SIGLEC12: variants seen among roughly 807,000 people sequenced by gnomAD.
SIGLEC12 encodes sialic acid-binding Ig-like lectin 12.
Under a neutral mutation model 54.1 loss-of-function variants are expected in SIGLEC12, and 43 were observed. That is an observed-to-expected ratio of 0.80 (90% CI 0.62 to 1.03). The LOEUF (loss-of-function observed/expected upper bound fraction) is 1.03. SIGLEC12 is among the 50% of genes least tolerant of loss of function. SIGLEC12 has a pLI of 0.00. For synonymous variants in SIGLEC12, 357 were observed against 307.6 expected (o/e 1.16, Z -1.68); for missense variants, 802 against 735.2 (o/e 1.09, Z -1.05).
chr19:51,493,305 G>T (rs1238283010), intron 7 of SIGLEC12, among the ~76,000 whole-genome samples: 1 of 152,102 alleles, frequency 6.6e-6, no homozygotes, highest in African/African-American at 2.4e-5. Context: ...CAGCCCTTTT[G>T]CTAGATGCTC....
At chr19:51,492,616 C>T (rs1990136477) in intron 7 of SIGLEC12, among the ~76,000 whole-genome samples, 1 of 152,084 alleles carries the variant, frequency 6.6e-6, no homozygotes, top group Non-Finnish European at 1.5e-5. Context: ...CTTGGGTGGG[C>T]CCAGTGGAAT....
Position 51,501,483 on chromosome 19 carries a change from G to T in SIGLEC12, c.251C>A (p.Ala84Glu), listed in dbSNP as rs1447247025. ...IPVATNNPAR[A>E]VQEETRDRFH... The stretch of plus-strand genomic sequence containing the variant: ...TCGGTCCCGAGTCTCCTCCTGCACT[G>T]CTCGAGCTGGGTTGTTTGTGGCCAC... The change falls in exon 1 of 8, where the codon GCA (alanine) becomes GAA (glutamate). Residue 84 changes from alanine (A) to glutamate (E), a missense_variant. By Grantham distance (107) the Ala-to-Glu change is moderately radical. Transcript: ENST00000291707. The T allele has an allele frequency of 1.9e-6, 3 of 1,613,828 alleles. No homozygotes were observed. The highest frequency in any genetic ancestry group is 2.5e-6 in the Non-Finnish European group (3 of 1,179,906).
At chr19:51,495,656 G>T (rs920530224) in intron 7 of SIGLEC12, among the ~76,000 whole-genome samples, 1 of 152,120 alleles carries the variant, frequency 6.6e-6, no homozygotes, top group African/African-American at 2.4e-5. Context: ...TTAGTTGATT[G>T]GTTTGGCCAT....
chr19:51,497,039 C>T, intron 6 of SIGLEC12, 63 bp from the exon 7 acceptor site: 8 of 1,610,866 alleles, frequency 5.0e-6, no homozygotes, highest in Non-Finnish European at 5.1e-6. Flanking sequence ...GGCAGACCAA[C>T]CCCTGCCCTG....
At position 51,497,344 on chromosome 19, in the gene SIGLEC12, C is replaced by A; in HGVS notation, c.1502+5G>T. The A allele has an allele frequency of 1.2e-6, 2 of 1,612,204 alleles. No homozygotes were observed. Among genetic ancestry groups the A allele is most frequent in the Non-Finnish European group, 1.7e-6 (2 of 1,178,452 alleles). ...AGGCTCTTCCTCCCCAGGGTCAATG[C>A]TCACACAACGAAGATGATGCAGAAG... On this transcript the variant is annotated splice_donor_5th_base_variant and intron_variant, in intron 6 of 7. Coordinates refer to ENST00000291707, the MANE Select transcript of SIGLEC12 (RefSeq NM_053003.4).
intron 7 of SIGLEC12, among the ~76,000 whole-genome samples, chr19:51,493,173 A>T (rs1050448584): frequency 9.8e-5 from 14 of 143,206 alleles, no homozygotes; most frequent in Non-Finnish European, 2.0e-4. Context: ...TCCGTCTTGC[A>T]GTCTTCTCCT....
chr19:51,491,715 T>C lies in SIGLEC12; in HGVS notation c.1714A>G (p.Lys572Glu), dbSNP rs1220562547. Residue 572 changes from lysine (K) to glutamate (E), a missense_variant, in exon 8 of 8, where the codon AAA becomes GAA. Physicochemically the swap from Lys to Glu is moderately conservative, Grantham distance 56. Transcript: ENST00000291707. ...EIQYASLSFHKARPQYPQEQE... is the reference protein window; with the variant it reads ...EIQYASLSFHEARPQYPQEQE... ...TCCTGTGGGTACTGAGGCCTCGCTT[T>C]GTGGAAGCTGAGGGATGCATACTGG... 1.2e-6 allele frequency: 2 copies of C among 1,613,772 alleles called. No homozygotes were observed. Among genetic ancestry groups the C allele is most frequent in the Non-Finnish European group, 1.7e-6 (2 of 1,179,910 alleles).
intron 7 of SIGLEC12, 59 bp downstream of exon 7, chr19:51,496,812 GTAATCCCCT>G: frequency 6.4e-7 from 1 of 1,552,478 alleles, no homozygotes; most frequent in Non-Finnish European, 8.9e-7. Flanking sequence ...CAGTGAGGAA[GTAATCCCCT>G]TCCATGCCTG....
chr19:51,494,098 C>T (rs1009242675), intron 7 of SIGLEC12, among the ~76,000 whole-genome samples: 2 of 152,218 alleles, frequency 1.3e-5, no homozygotes, highest in Non-Finnish European at 2.9e-5. Flanking sequence ...GTCTGGAGTG[C>T]TCTTCAATCT....
Position 51,498,083 on chromosome 19 carries a change from C to A in SIGLEC12, c.1340G>T (p.Arg447Leu). 6.2e-7 allele frequency: 1 copy of A among 1,614,240 alleles called. No homozygotes were observed. The highest frequency in any genetic ancestry group is 8.5e-7 in the Non-Finnish European group (1 of 1,180,038). ...HVKDEGEFTC[R>L]AQNPLGSQHI... ...CTGGGAGCCTAGAGGGTTCTGAGCT[C>A]GGCAGGTGAATTCCCCTTCATCCTT... The change falls in exon 5 of 8, where the codon CGA becomes CTA. Residue 447 changes from arginine (R) to leucine (L), a missense_variant. Coordinates refer to ENST00000291707, the MANE Select transcript of SIGLEC12 (RefSeq NM_053003.4).
chr19:51,498,298 A>G lies in SIGLEC12; in HGVS notation c.1136-11T>C, dbSNP rs567396831. On this transcript the variant is annotated splice_polypyrimidine_tract_variant and intron_variant, in intron 4 of 7. Transcript: ENST00000291707. ...TCAAGGTTGTGGATGCTGTAGAGAA[A>G]GAGACAGAAGGGCAGAGAGAGACAA... 6 of 1,590,264 alleles carry G rather than the reference A, an allele frequency of 3.8e-6. No homozygotes were observed. Among genetic ancestry groups the G allele is most frequent in the East Asian group, 4.5e-5 (2 of 44,516 alleles).
chr19:51,500,251 C>T lies in SIGLEC12; in HGVS notation c.477G>A (p.Val159=). The change falls in exon 2 of 8, where the codon GTG becomes GTA. Residue 159 remains valine (V), a synonymous_variant. Coordinates refer to ENST00000291707, the MANE Select transcript of SIGLEC12 (RefSeq NM_053003.4). ...SRYRLEVPES[V]TVQEGLCVSV... is the part of the protein sequence containing the mutation. ...AGACACACAGACCCTCCTGCACAGT[C>T]ACCGACTCTGGCACCTCCAGCCTGT... is the stretch of plus-strand genomic sequence containing the variant. 1 of 1,614,176 alleles carries T rather than the reference C, an allele frequency of 6.2e-7. No individual in the cohort carries two copies. Among genetic ancestry groups the T allele is most frequent in the Non-Finnish European group, 8.5e-7 (1 of 1,180,016 alleles).
intron 1 of SIGLEC12, among the ~76,000 whole-genome samples, chr19:51,500,693 T>G (rs1036017636): frequency 1.3e-5 from 2 of 151,912 alleles, no homozygotes; most frequent in African/African-American, 4.8e-5. Context: ...TGGACCATCG[T>G]GGAGGTCCCT....
chr19:51,498,096 C>T lies in SIGLEC12; in HGVS notation c.1327G>A (p.Glu443Lys), dbSNP rs1001356193. Residue 443 changes from glutamate (E) to lysine (K), a missense_variant, in exon 5 of 8, where the codon GAA (glutamate) becomes AAA (lysine). By Grantham distance (56) the Glu-to-Lys change is moderately conservative. Coordinates refer to ENST00000291707, the MANE Select transcript of SIGLEC12 (RefSeq NM_053003.4). ...LPRVHVKDEG[E>K]FTCRAQNPLG... ...GGGTTCTGAGCTCGGCAGGTGAATT[C>T]CCCTTCATCCTTCACATGCACTCGA... 5 of 1,614,116 alleles carry T rather than the reference C, an allele frequency of 3.1e-6. No individual in the cohort carries two copies. In the African/African-American group the frequency reaches 6.7e-5, roughly 22 times the overall value.
chr19:51,498,069 G>A lies in SIGLEC12; in HGVS notation c.1354C>T (p.Leu452=), dbSNP rs766055575. The change falls in exon 5 of 8, where the codon CTA becomes TTA. Residue 452 remains leucine (L), a synonymous_variant. Coordinates refer to ENST00000291707, the MANE Select transcript of SIGLEC12 (RefSeq NM_053003.4). ...GEFTCRAQNP[L]GSQHISLSLS... Reference sequence around the variant, plus strand: ...CTCAGGGAAATGTGCTGGGAGCCTAGAGGGTTCTGAGCTCGGCAGGTGAAT... The same window carrying A: ...CTCAGGGAAATGTGCTGGGAGCCTAAAGGGTTCTGAGCTCGGCAGGTGAAT... 4 of 1,614,242 alleles carry A rather than the reference G, an allele frequency of 2.5e-6. No individual in the cohort carries two copies. Among genetic ancestry groups the A allele is most frequent in the Non-Finnish European group, 3.4e-6 (4 of 1,180,040 alleles).
Position 51,499,452 on chromosome 19 carries a change from C to G in SIGLEC12, c.1073G>C (p.Arg358Pro). Residue 358 changes from arginine to proline, a missense_variant, in exon 3 of 8, where the codon CGA becomes CCA. Transcript: ENST00000291707. ...GAGVTMTRAVRLNISYPPQNL... is the reference protein window; with the variant it reads ...GAGVTMTRAVPLNISYPPQNL... ...CCAGAACTCACAGGATATGTTGAGT[C>G]GGACAGCCCTGGTCATGGTCACGCC... is the stretch of plus-strand genomic sequence containing the variant. 1 of 1,583,760 alleles carries G rather than the reference C, an allele frequency of 6.3e-7. No homozygotes were observed. The highest frequency in any genetic ancestry group is 8.6e-7 in the Non-Finnish European group (1 of 1,168,574).
chr19:51,499,558 G>A lies in SIGLEC12; in HGVS notation c.967C>T (p.Arg323Cys). 1 of 1,611,590 alleles carries A rather than the reference G, an allele frequency of 6.2e-7. No homozygotes were observed. Among genetic ancestry groups the A allele is most frequent in the South Asian group, 1.1e-5 (1 of 90,860 alleles). Reference sequence around the variant, plus strand: ...GGGATGAGGCTGAGCATCGAGGAGCGAGTGATAGTGGGGTCCAGGGAGGAC... The same window carrying A: ...GGGATGAGGCTGAGCATCGAGGAGCAAGTGATAGTGGGGTCCAGGGAGGAC... ...SVSSLDPTIT[R>C]SSMLSLIPQP... is the part of the protein sequence containing the mutation. Residue 323 changes from arginine (R) to cysteine (C), a missense_variant, in exon 3 of 8, where the codon CGC (arginine) becomes TGC (cysteine). Physicochemically the swap from Arg to Cys is radical, Grantham distance 180. Coordinates refer to ENST00000291707, the MANE Select transcript of SIGLEC12 (RefSeq NM_053003.4).
chr19:51,497,670 AC>A (rs1990278335), intron 5 of SIGLEC12, among the ~76,000 whole-genome samples: 1 of 152,232 alleles, frequency 6.6e-6, no homozygotes, highest in African/African-American at 2.4e-5. Flanking sequence ...GAATTATTTT[AC>A]AATAATTTTT....
At chr19:51,494,675 C>A (rs1316574972) in intron 7 of SIGLEC12, among the ~76,000 whole-genome samples, 1 of 152,186 alleles carries the variant, frequency 6.6e-6, no homozygotes, top group African/African-American at 2.4e-5. Flanking sequence ...ATGCTCACGG[C>A]AGCATTATTC....
Sources: allele counts gnomAD v4.1 joint callset (sites outside exome capture counted in the v4.1 genomes callset), GRCh38; gene constraint gnomAD v4.1.1; transcripts MANE v1.5; gene names NCBI Gene and HGNC (gene_info 2026-07-23, HGNC 2026-07-21).